Variants in MPHOSPH9 observed in about 807,000 individuals in gnomAD.
The protein encoded by MPHOSPH9 is M-phase phosphoprotein 9.
A neutral mutation model predicts 145.5 loss-of-function variants in MPHOSPH9; 88 were observed. The observed-to-expected ratio is 0.60, with a 90% CI of 0.51 to 0.72. MPHOSPH9 has a LOEUF of 0.72. Among genes scored for constraint, MPHOSPH9 ranks in the 30% least tolerant of loss-of-function variants. The pLI is 0.00. For missense variants in MPHOSPH9, 1,238 were observed against 1,386.6 expected (o/e 0.89, Z 1.70); for synonymous variants, 435 against 486.2 (o/e 0.89, Z 1.39).
chr12:123,164,087 T>C lies in MPHOSPH9; in HGVS notation c.2771A>G (p.Asn924Ser). The C allele has an allele frequency of 6.2e-7, 1 of 1,614,090 alleles. No individual in the cohort carries two copies. The highest frequency in any genetic ancestry group is 8.5e-7 in the Non-Finnish European group (1 of 1,180,000). ...QTEKEDTSNI[N>S]PRQTETSVNA... ...AACTGAAGTTTCAGTTTGCCGAGGA[T>C]TTACTACAGCAGACCAAAAAAAAGC... Residue 924 changes from asparagine (N) to serine (S), a missense_variant, in exon 19 of 24, where the codon AAT (asparagine) becomes AGT (serine). Coordinates refer to ENST00000606320, the MANE Select transcript of MPHOSPH9 (RefSeq NM_022782.4).
intron 6 of MPHOSPH9, among the ~76,000 whole-genome samples, chr12:123,216,872 C>T (rs2046984690): frequency 6.6e-6 from 1 of 151,720 alleles, no homozygotes; most frequent in Non-Finnish European, 1.5e-5. Context: ...GCCTATAGTC[C>T]CAGCTAATCG....
intron 1 of MPHOSPH9, among the ~76,000 whole-genome samples, chr12:123,231,428 A>G (rs888489889): frequency 1.3e-5 from 2 of 152,250 alleles, no homozygotes; most frequent in Non-Finnish European, 2.9e-5. Context: ...TGTATTAAAA[A>G]GAGCCAATTA....
intron 9 of MPHOSPH9, 64 bp downstream of exon 9, chr12:123,203,186 G>C (rs920764178): frequency 1.3e-6 from 2 of 1,595,022 alleles, no homozygotes; most frequent in African/African-American, 1.4e-5. Context: ...AATGAAGCTT[G>C]AGGTAAAAGT....
chr12:123,210,869 T>G (rs2046672378), intron 7 of MPHOSPH9, among the ~76,000 whole-genome samples: 1 of 151,630 alleles, frequency 6.6e-6, no homozygotes. Context: ...CTCGGCTCAT[T>G]GCAACCTCCG....
intron 2 of MPHOSPH9, 24 bp downstream of exon 2, chr12:123,230,237 A>T (rs1303309118): frequency 7.8e-7 from 1 of 1,274,152 alleles, no homozygotes. Context: ...GATTTGGTAC[A>T]TTTTTTTTAA....
intron 13 of MPHOSPH9, among the ~76,000 whole-genome samples, chr12:123,192,860 A>G (rs984873354): frequency 5.0e-4 from 76 of 151,376 alleles, no homozygotes; most frequent in African/African-American, 1.8e-3. Flanking sequence ...TGGGCGGATC[A>G]AGAGGTCAAG....
chr12:123,219,994 G>A (rs1051945304), intron 5 of MPHOSPH9, among the ~76,000 whole-genome samples: 1 of 152,086 alleles, frequency 6.6e-6, no homozygotes, highest in African/African-American at 2.4e-5. Flanking sequence ...AGGAGTTCAA[G>A]ACCAGCCTGG....
At chr12:123,224,377 G>A (rs59708426) in intron 3 of MPHOSPH9, among the ~76,000 whole-genome samples, 6,005 of 151,748 alleles carry the variant, frequency 0.04, 386 homozygotes, top group African/African-American at 0.14. Context: ...CTCATGATCC[G>A]CCTGCCTCGG....
At chr12:123,158,151 G>C (rs373917815) in intron 23 of MPHOSPH9, among the ~76,000 whole-genome samples, 1 of 151,922 alleles carries the variant, frequency 6.6e-6, no homozygotes, top group East Asian at 1.9e-4. Flanking sequence ...CACCATGCCC[G>C]GCTCATTTTC....
intron 2 of MPHOSPH9, among the ~76,000 whole-genome samples, chr12:123,229,429 T>A (rs1018726079): frequency 6.6e-6 from 1 of 152,198 alleles, no homozygotes; most frequent in African/African-American, 2.4e-5. Flanking sequence ...AGCTTAAAAA[T>A]AAAATGCATT....
intron 8 of MPHOSPH9, among the ~76,000 whole-genome samples, chr12:123,209,192 C>T (rs1020649869): frequency 2.6e-5 from 4 of 152,074 alleles, no homozygotes; most frequent in Non-Finnish European, 5.9e-5. Flanking sequence ...CTTGGCCTAC[C>T]AAAGTGCTGG....
intron 1 of MPHOSPH9, among the ~76,000 whole-genome samples, chr12:123,242,806 A>C (rs1484525316): frequency 2.0e-5 from 3 of 152,136 alleles, no homozygotes; most frequent in Non-Finnish European, 4.4e-5. Context: ...CCTTGGAATC[A>C]CTTCCTCTCT....
intron 16 of MPHOSPH9, among the ~76,000 whole-genome samples, chr12:123,175,864 T>G (rs895645232): frequency 6.6e-6 from 1 of 151,364 alleles, no homozygotes; most frequent in Admixed American, 6.6e-5. Context: ...TCTACTAAGA[T>G]TAATTAACAA....
At chr12:123,204,651 G>A (rs1015024995) in intron 8 of MPHOSPH9, among the ~76,000 whole-genome samples, 1 of 152,228 alleles carries the variant, frequency 6.6e-6, no homozygotes, top group Admixed American at 6.5e-5. Context: ...AAGGCAGGCG[G>A]ATCGCCTGAG....
intron 6 of MPHOSPH9, among the ~76,000 whole-genome samples, chr12:123,218,154 C>T (rs1443796003): frequency 6.6e-6 from 1 of 151,828 alleles, no homozygotes; most frequent in Non-Finnish European, 1.5e-5. Context: ...ATCGCTTGAA[C>T]CTGGGAGGCA....
intron 23 of MPHOSPH9, among the ~76,000 whole-genome samples, chr12:123,158,256 A>T (rs2043956139): frequency 6.6e-6 from 1 of 152,080 alleles, no homozygotes; most frequent in Admixed American, 6.6e-5. Flanking sequence ...CAGCCTCCCA[A>T]AGTGCTGGGA....
rs1379837359 is a variant in MPHOSPH9 at position 123,233,115 on chromosome 12, CG to C, written c.-200del. The C allele has an allele frequency of 6.7e-6, 1 of 148,932 alleles. No homozygotes were observed. Among genetic ancestry groups the C allele is most frequent in the Non-Finnish European group, 1.5e-5 (1 of 66,862 alleles). 9.2% of individuals were successfully genotyped at this position (148,932 alleles called of 1,614,324 possible). On this transcript the variant is annotated 5_prime_UTR_variant, in exon 1 of 24. Coordinates refer to ENST00000606320, the MANE Select transcript of MPHOSPH9 (RefSeq NM_022782.4). ...GCTGCCGATGTCAGGGTCATGCAAG[CG>C]GCCTCTCGCGACCGTTACCCGAGGG...
rs1180480290 is a variant in MPHOSPH9 at position 123,230,503 on chromosome 12, T to C, written c.-139A>G. 4.0e-6 allele frequency: 2 copies of C among 503,630 alleles called. No individual in the cohort carries two copies. The highest frequency in any genetic ancestry group is 7.0e-6 in the Non-Finnish European group (2 of 285,682). The allele number at this position is 503,630 out of a possible 1,614,324, so 31.2% of individuals were successfully genotyped here. A position where few individuals can be genotyped will look rare whatever the true frequency, so the allele number is the denominator to read the frequency against. On this transcript the variant is annotated 5_prime_UTR_variant, in exon 2 of 24. Transcript: ENST00000606320. ...GGCTAACATTCAGAACTGTGAAATA[T>C]CCTAAACTTCCAAGAGAGTCTGAAA...
At chr12:123,196,799 C>A (rs1412024005) in intron 12 of MPHOSPH9, among the ~76,000 whole-genome samples, 1 of 151,972 alleles carries the variant, frequency 6.6e-6, no homozygotes, top group Non-Finnish European at 1.5e-5. Context: ...GTATTATTCA[C>A]AGAATGAAAT....
Sources: gnomAD v4.1 joint callset for allele counts (sites outside exome capture counted in the v4.1 genomes callset) on GRCh38, gnomAD v4.1.1 for gene constraint, MANE v1.5 for transcripts, NCBI Gene and HGNC (gene_info 2026-07-23, HGNC 2026-07-21) for gene names.